PCP2: variants seen among roughly 807,000 people sequenced by gnomAD.
The protein encoded by PCP2 is Purkinje cell protein 2 homolog.
PCP2 carries 21 observed loss-of-function variants against 18.3 expected under a neutral mutation model. The observed-to-expected ratio is 1.14, with a 90% confidence interval of 0.81 to 1.65. The LOEUF is 1.65. Ranked by LOEUF, PCP2 falls within the 40% of genes most tolerant of loss-of-function variation. The pLI is 0.00. For missense variants in PCP2, 202 were observed against 201.8 expected (o/e 1.00, Z 0.00); for synonymous variants, 85 against 77.6 (o/e 1.10, Z -0.50).
chr19:7,633,098 C>T (rs557377978), intron 1 of PCP2: 11 of 1,159,938 alleles, frequency 9.5e-6, no homozygotes, highest in African/African-American at 4.6e-5. Flanking sequence ...ATGCGTGTCC[C>T]GCCGTCCTAG....
In PCP2 at chr19:7,632,734, C is replaced by T. The variant is rs868539711; in HGVS notation, c.148G>A (p.Gly50Ser). ...TGCTCACGGCTCTTGGTGGTCTGGC[C>T]CGGCCCGGCTTGCAGTGAACAGCGC... ...GQRCSLQAGP[G>S]QTTKSQSDPT... The change falls in exon 2 of 4, where the codon GGC (glycine) becomes AGC (serine). Residue 50 changes from glycine to serine, a missense_variant. Physicochemically the swap from Gly to Ser is moderately conservative, Grantham distance 56. Transcript: ENST00000311069. This position sits in a 1 kb window ranked among gnomAD's most constrained non-coding sequence, Gnocchi z 5.2. The T allele has an allele frequency of 1.3e-6, 2 of 1,561,518 alleles. No homozygotes were observed. Among genetic ancestry groups the T allele is most frequent in the Non-Finnish European group, 8.6e-7 (1 of 1,158,664 alleles).
chr19:7,635,767 A>G (rs1174320929), upstream of PCP2, among the ~76,000 whole-genome samples: 2 of 152,144 alleles, frequency 1.3e-5, no homozygotes, highest in Non-Finnish European at 2.9e-5. Flanking sequence ...AGGAAAGGAA[A>G]GGAAGAAATA....
At chr19:7,634,931 C>A (rs746518841), upstream of PCP2, among the ~76,000 whole-genome samples, 5 of 152,294 alleles carry the variant, frequency 3.3e-5, no homozygotes, top group Non-Finnish European at 2.9e-5. Context: ...CCCCCCCAAC[C>A]ACCTACACAG....
chr19:7,632,070 A>C lies in PCP2; in HGVS notation c.292-262T>G, dbSNP rs2279040. Reference sequence around the variant, plus strand: ...CAGATGTGAGTATACAGATGTATATATCCTATGTGTGAGCTTACGTGACTT... The same window carrying C: ...CAGATGTGAGTATACAGATGTATATCTCCTATGTGTGAGCTTACGTGACTT... On this transcript the variant is annotated intron_variant, in intron 3 of 3. Coordinates refer to ENST00000311069, the MANE Select transcript of PCP2 (RefSeq NM_174895.3). The surrounding 1 kb of genome is among the most constrained non-coding windows in gnomAD (Gnocchi z 5.2). 174,240 of 544,306 alleles carry C rather than the reference A, an allele frequency of 0.32. 29,464 individuals carry two copies. The highest frequency in any genetic ancestry group is 0.36 in the Non-Finnish European group (111,965 of 309,726). The allele number at this position is 544,306 out of a possible 1,614,324, so 33.7% of individuals were successfully genotyped here. A position where few individuals can be genotyped will look rare whatever the true frequency, so the allele number is the denominator to read the frequency against.
chr19:7,635,161 G>A (rs2031477237), upstream of PCP2, among the ~76,000 whole-genome samples: 1 of 152,212 alleles, frequency 6.6e-6, no homozygotes, highest in Admixed American at 6.5e-5. Context: ...CAAGGGGTCA[G>A]GCTGAGAAGC....
At position 7,632,761 on chromosome 19, in the gene PCP2, GTCCC is replaced by G; in HGVS notation, c.117_120del (p.Glu39AspfsTer44). The G allele has an allele frequency of 1.9e-6, 3 of 1,568,840 alleles. No individual in the cohort carries two copies. Among genetic ancestry groups the G allele is most frequent in the Non-Finnish European group, 2.6e-6 (3 of 1,161,354 alleles). On this transcript the variant is annotated frameshift_variant, in exon 2 of 4. Coordinates refer to ENST00000311069, the MANE Select transcript of PCP2 (RefSeq NM_174895.3). LOFTEE classifies it high-confidence loss of function. The surrounding 1 kb of genome is among the most constrained non-coding windows in gnomAD (Gnocchi z 5.2). ...GGCCCGGCTTGCAGTGAACAGCGCT[GTCCC>G]TCCATCCGGTCGCCCTGCACGTGGC...
chr19:7,634,747 T>G (rs2031464298), upstream of PCP2, among the ~76,000 whole-genome samples: 1 of 152,228 alleles, frequency 6.6e-6, no homozygotes, highest in African/African-American at 2.4e-5. Flanking sequence ...TTGGCAGAGC[T>G]GTGCTCCCTC....
At chr19:7,634,888 C>G (rs559352728), upstream of PCP2, among the ~76,000 whole-genome samples, 1 of 152,324 alleles carries the variant, frequency 6.6e-6, no homozygotes, top group East Asian at 1.9e-4. Context: ...CATTCTCCCT[C>G]TGTGTCCCAG....
In PCP2 at chr19:7,632,009, G is replaced by C. The variant is rs556322129; in HGVS notation, c.292-201C>G. ...GTCTTGGGGCCCTCGCTGGGATCTTGATCAGAACCCAAGCTTCGTGTATGT... is the reference window on the plus strand; with the variant it reads ...GTCTTGGGGCCCTCGCTGGGATCTTCATCAGAACCCAAGCTTCGTGTATGT... On this transcript the variant is annotated intron_variant, in intron 3 of 3. Coordinates refer to ENST00000311069, the MANE Select transcript of PCP2 (RefSeq NM_174895.3). The surrounding 1 kb of genome is among the most constrained non-coding windows in gnomAD (Gnocchi z 5.2). 2.0e-5 allele frequency: 10 copies of C among 505,088 alleles called. No individual in the cohort carries two copies. The South Asian group carries it at 4.8e-4, about 24-fold the overall frequency. 31.3% of individuals were successfully genotyped at this position (505,088 alleles called of 1,614,324 possible).
In PCP2 at chr19:7,632,697, C is replaced by T. The variant is rs369017254; in HGVS notation, c.166+19G>A. 5.7e-5 allele frequency: 89 copies of T among 1,549,812 alleles called. No individual in the cohort carries two copies. The highest frequency in any genetic ancestry group is 1.7e-4 in the Middle Eastern group (1 of 6,016). ...CCCCGTTCACGCCCCATGGACAGCA[C>T]CCCCGTGCCCATGCTCACGGCTCTT... On this transcript the variant is annotated intron_variant, in intron 2 of 3. Transcript: ENST00000311069. This position sits in a 1 kb window ranked among gnomAD's most constrained non-coding sequence, Gnocchi z 5.2.
chr19:7,632,923 G>C lies in PCP2; in HGVS notation c.52-93C>G. 6 of 1,499,056 alleles carry C rather than the reference G, an allele frequency of 4.0e-6. No individual in the cohort carries two copies. The highest frequency in any genetic ancestry group is 5.3e-6 in the Non-Finnish European group (6 of 1,126,412). 92.9% of individuals were successfully genotyped at this position (1,499,056 alleles called of 1,614,324 possible). ...AGCTTGCTCACACCCTGACCCCGGG[G>C]CCTGCCGTCCCCACTTCCTCAGCTC... On this transcript the variant is annotated intron_variant, in intron 1 of 3. Coordinates refer to ENST00000311069, the MANE Select transcript of PCP2 (RefSeq NM_174895.3). This position sits in a 1 kb window ranked among gnomAD's most constrained non-coding sequence, Gnocchi z 5.2.
chr19:7,636,826 C>A (rs1426448886), upstream of PCP2: 1 of 311,328 alleles, frequency 3.2e-6, no homozygotes, highest in Non-Finnish European at 5.9e-6. Context: ...CACAGAACCT[C>A]CCGGGGAAGA....
At chr19:7,631,914 T>C (rs2031327374) in intron 3 of PCP2, 106 bp from the exon 4 acceptor site, 10 of 1,118,192 alleles carry the variant, frequency 8.9e-6, no homozygotes, top group East Asian at 5.7e-5. Flanking sequence ...TCCCACCTCA[T>C]TGTGAGCACT....
Position 7,631,668 on chromosome 19 carries a change from G to A in PCP2, c.*21C>T, listed in dbSNP as rs1471371778. Reference sequence around the variant, plus strand: ...TTATCAGTTTTTGGGGGCCGAGTGAGACCCAGGATGCCTCAGGCCCTCAGG... The same window carrying A: ...TTATCAGTTTTTGGGGGCCGAGTGAAACCCAGGATGCCTCAGGCCCTCAGG... On this transcript the variant is annotated 3_prime_UTR_variant, in exon 4 of 4. Transcript: ENST00000311069. The A allele has an allele frequency of 6.8e-7, 1 of 1,468,552 alleles. No individual in the cohort carries two copies. Among genetic ancestry groups the A allele is most frequent in the Admixed American group, 2.3e-5 (1 of 44,068 alleles). 91.0% of individuals were successfully genotyped at this position (1,468,552 alleles called of 1,614,324 possible). A position where few individuals can be genotyped will look rare whatever the true frequency, so the allele number is the denominator to read the frequency against.
Position 7,632,852 on chromosome 19 carries a change from C to T in PCP2, c.52-22G>A. ...CCGCCTGGGGACAGACTCGCTCAGT[C>T]TGGTTGGCCCTTCAGCTTGGGGGCC... is the stretch of plus-strand genomic sequence containing the variant. On this transcript the variant is annotated intron_variant, in intron 1 of 3. Transcript: ENST00000311069. The surrounding 1 kb of genome is among the most constrained non-coding windows in gnomAD (Gnocchi z 5.2). 1 of 1,541,830 alleles carries T rather than the reference C, an allele frequency of 6.5e-7. No individual in the cohort carries two copies. Among genetic ancestry groups the T allele is most frequent in the Non-Finnish European group, 8.7e-7 (1 of 1,146,090 alleles).
chr19:7,632,186 C>G lies in PCP2; in HGVS notation c.291+207G>C, dbSNP rs2031341620. ...GACTTGGGGGCAGGAGCCACAAGTT[C>G]CAGCCATGGGTCTTACACTAGCATG... On this transcript the variant is annotated intron_variant, in intron 3 of 3. Coordinates refer to ENST00000311069, the MANE Select transcript of PCP2 (RefSeq NM_174895.3). This position sits in a 1 kb window ranked among gnomAD's most constrained non-coding sequence, Gnocchi z 5.2. 1 of 782,980 alleles carries G rather than the reference C, an allele frequency of 1.3e-6. No homozygotes were observed. The highest frequency in any genetic ancestry group is 2.0e-6 in the Non-Finnish European group (1 of 509,146). The allele number at this position is 782,980 out of a possible 1,614,324, so 48.5% of individuals were successfully genotyped here.
At chr19:7,633,080 A>G (rs1776503664) in intron 1 of PCP2, 3 of 1,261,602 alleles carry the variant, frequency 2.4e-6, no homozygotes, top group East Asian at 5.1e-5. Context: ...TTCAAGGGAC[A>G]GGCTCCGATG....
chr19:7,632,867 G>T lies in PCP2; in HGVS notation c.52-37C>A. On this transcript the variant is annotated intron_variant, in intron 1 of 3. Coordinates refer to ENST00000311069, the MANE Select transcript of PCP2 (RefSeq NM_174895.3). The surrounding 1 kb of genome is among the most constrained non-coding windows in gnomAD (Gnocchi z 5.2). ...CTCGCTCAGTCTGGTTGGCCCTTCA[G>T]CTTGGGGGCCCCTCCCCAAACTTCC... The T allele has an allele frequency of 6.5e-7, 1 of 1,537,296 alleles. No homozygotes were observed. Among genetic ancestry groups the T allele is most frequent in the Non-Finnish European group, 8.7e-7 (1 of 1,144,348 alleles).
chr19:7,631,974 G>C, intron 3 of PCP2, 166 bp from the exon 4 acceptor site: 1 of 668,544 alleles, frequency 1.5e-6, no homozygotes, highest in Non-Finnish European at 2.2e-6. Flanking sequence ...ATTTGAGTGT[G>C]AGGTGGCAGG....
Sources: allele counts gnomAD v4.1 joint callset (sites outside exome capture counted in the v4.1 genomes callset), GRCh38; gene constraint gnomAD v4.1.1; non-coding constraint Gnocchi (gnomAD v3.1); transcripts MANE v1.5; gene names NCBI Gene and HGNC (gene_info 2026-07-23, HGNC 2026-07-21).